The following ILDR1 variants were observed in gnomAD, a reference collection of about 807,000 sequenced individuals.
ILDR1 encodes immunoglobulin like domain containing receptor 1.
Under a neutral mutation model 62.4 loss-of-function variants are expected in ILDR1, and 56 were observed. That is an observed-to-expected ratio of 0.90 (90% CI 0.72 to 1.12). The LOEUF (loss-of-function observed/expected upper bound fraction) is 1.12, where lower values mean the gene tolerates loss of function less well. Ranked by LOEUF, ILDR1 falls within the 50% of genes most tolerant of loss-of-function variation. The pLI is 0.00. For synonymous variants in ILDR1, 284 were observed against 277.8 expected (o/e 1.02, Z -0.22); for missense variants, 736 against 710.6 (o/e 1.04, Z -0.41).
chr3:122,007,129 T>C lies in ILDR1; in HGVS notation c.91A>G (p.Thr31Ala). Residue 31 changes from threonine to alanine, a missense_variant, in exon 2 of 8, where the codon ACA becomes GCA. By Grantham distance (58) the Thr-to-Ala change is moderately conservative. Coordinates refer to ENST00000344209, the MANE Select transcript of ILDR1 (RefSeq NM_001199799.2). Reference protein sequence around the residue: ...CLSLLVTVQHTERYVTLFASI... With the variant: ...CLSLLVTVQHAERYVTLFASI... Reference sequence around the variant, plus strand: ...GCAAACAGGGTGACATAGCGTTCTGTGTGCTGGACCGTCACAAGCAAGGAC... The same window carrying C: ...GCAAACAGGGTGACATAGCGTTCTGCGTGCTGGACCGTCACAAGCAAGGAC... The C allele has an allele frequency of 4.3e-6, 7 of 1,614,164 alleles. No homozygotes were observed. Among genetic ancestry groups the C allele is most frequent in the Non-Finnish European group, 5.9e-6 (7 of 1,180,024 alleles).
chr3:122,009,056 C>G (rs2071663071), intron 1 of ILDR1, among the ~76,000 whole-genome samples: 1 of 151,904 alleles, frequency 6.6e-6, no homozygotes, highest in Non-Finnish European at 1.5e-5. Context: ...ATCTCAGCCT[C>G]CCAAGTAGCT....
the ILDR1 span, among the ~76,000 whole-genome samples, chr3:122,045,680 C>G: frequency 6.6e-6 from 1 of 151,702 alleles, no homozygotes; most frequent in African/African-American, 2.4e-5. Flanking sequence ...TAATGGCCTT[C>G]TTAGTCTCTT....
At chr3:122,029,238 G>A in the ILDR1 span, among the ~76,000 whole-genome samples, 1 of 152,108 alleles carries the variant, frequency 6.6e-6, no homozygotes, top group Non-Finnish European at 1.5e-5. Flanking sequence ...CGGGTGTGGT[G>A]GCTCATGCCT....
chr3:121,991,892 G>A (rs1390784773), intron 7 of ILDR1, among the ~76,000 whole-genome samples: 1 of 152,186 alleles, frequency 6.6e-6, no homozygotes, highest in Non-Finnish European at 1.5e-5. Flanking sequence ...CAAAGCCTGT[G>A]ACAGACTACA....
upstream of ILDR1, among the ~76,000 whole-genome samples, chr3:122,022,904 C>A (rs565734534): frequency 6.8e-6 from 1 of 147,000 alleles, no homozygotes; most frequent in Admixed American, 7.0e-5. Context: ...CAGAGCGAAA[C>A]TCGGTCTCGA....
chr3:122,015,737 A>G (rs2071767580), intron 1 of ILDR1, among the ~76,000 whole-genome samples: 2 of 152,250 alleles, frequency 1.3e-5, no homozygotes, highest in Admixed American at 6.5e-5. Context: ...GCAGTTCTTT[A>G]TAGCAGCATG....
At chr3:122,014,121 A>C (rs1011366587) in intron 1 of ILDR1, among the ~76,000 whole-genome samples, 1 of 152,238 alleles carries the variant, frequency 6.6e-6, no homozygotes. Context: ...CCTTTGAGGA[A>C]TATTCACGCA....
At chr3:122,016,081 A>G (rs2071772813) in intron 1 of ILDR1, among the ~76,000 whole-genome samples, 1 of 152,112 alleles carries the variant, frequency 6.6e-6, no homozygotes, top group Non-Finnish European at 1.5e-5. Context: ...CCTCAACTCC[A>G]CCACTCTTCC....
Position 121,994,223 on chromosome 3 carries a change from G to A in ILDR1, c.737C>T (p.Ser246Phe), listed in dbSNP as rs1166745631. Residue 246 changes from serine to phenylalanine, a missense_variant, in exon 6 of 8, where the codon TCC becomes TTC. Ser to Phe is a radical substitution (Grantham distance 155). Transcript: ENST00000344209. ...KPLYWGADRS[S>F]QVSSYPMHPL... ...GTGCATTGGATAAGATGAAACCTGG[G>A]AGCTCCTGTCCGCCCCCCAGTACAG... is the stretch of plus-strand genomic sequence containing the variant. The A allele has an allele frequency of 2.6e-6, 4 of 1,536,112 alleles. No homozygotes were observed. Among genetic ancestry groups the A allele is most frequent in the Non-Finnish European group, 2.6e-6 (3 of 1,146,890 alleles).
intron 1 of ILDR1, among the ~76,000 whole-genome samples, chr3:122,010,679 C>A (rs2071690478): frequency 6.6e-6 from 1 of 152,112 alleles, no homozygotes; most frequent in Non-Finnish European, 1.5e-5. Flanking sequence ...TCTCACCAAC[C>A]ACAGTTTTAT....
intron 3 of ILDR1, among the ~76,000 whole-genome samples, chr3:122,004,046 C>A (rs1298100105): frequency 6.6e-6 from 1 of 151,852 alleles, no homozygotes; most frequent in Non-Finnish European, 1.5e-5. Flanking sequence ...AAAAATCAGA[C>A]TTAAGTGTTA....
chr3:122,039,562 G>T, the ILDR1 span, among the ~76,000 whole-genome samples: 37 of 152,116 alleles, frequency 2.4e-4, no homozygotes, highest in African/African-American at 8.9e-4. Context: ...AAGCAATGGA[G>T]AAATAAAGAC....
chr3:122,012,544 G>T (rs922492326), intron 1 of ILDR1, among the ~76,000 whole-genome samples: 1 of 152,158 alleles, frequency 6.6e-6, no homozygotes, highest in Non-Finnish European at 1.5e-5. Context: ...GTTGCTGGGG[G>T]TCAGAAAAGG....
the ILDR1 span, among the ~76,000 whole-genome samples, chr3:122,059,444 G>A: frequency 1.3e-5 from 2 of 151,560 alleles, no homozygotes; most frequent in Non-Finnish European, 2.9e-5. Flanking sequence ...ACTGAGGCAC[G>A]AGAATAGCTT....
chr3:122,018,936 C>G (rs989431196), intron 1 of ILDR1, among the ~76,000 whole-genome samples: 2 of 152,196 alleles, frequency 1.3e-5, no homozygotes, highest in African/African-American at 4.8e-5. Flanking sequence ...GGAAAAATTA[C>G]TGTTCTAGAT....
At chr3:122,029,725 A>G in the ILDR1 span, among the ~76,000 whole-genome samples, 1 of 152,174 alleles carries the variant, frequency 6.6e-6, no homozygotes, top group South Asian at 2.1e-4. Flanking sequence ...TATTTTATGT[A>G]GTTTTATGTA....
the ILDR1 span, among the ~76,000 whole-genome samples, chr3:122,034,266 G>C: frequency 6.6e-6 from 1 of 152,114 alleles, no homozygotes; most frequent in Non-Finnish European, 1.5e-5. Context: ...TTTTCATTGA[G>C]TTCTAGAAAT....
At chr3:122,046,081 A>G in the ILDR1 span, among the ~76,000 whole-genome samples, 110,581 of 146,596 alleles carry the variant, frequency 0.75, 42,302 homozygotes, top group East Asian at 0.95. Flanking sequence ...CATGTTTAGC[A>G]CTTCCTTCAG....
intron 5 of ILDR1, among the ~76,000 whole-genome samples, chr3:121,996,694 G>A (rs527649439): frequency 6.6e-6 from 1 of 152,272 alleles, no homozygotes; most frequent in East Asian, 1.9e-4. Context: ...AGCTTTCTGA[G>A]CCTCACTCCC....
Sources: allele counts gnomAD v4.1 joint callset (sites outside exome capture counted in the v4.1 genomes callset), GRCh38; gene constraint gnomAD v4.1.1; transcripts MANE v1.5; gene names NCBI Gene and HGNC (gene_info 2026-07-23, HGNC 2026-07-21).